The following MMP26 variants were observed in gnomAD, a reference collection of about 807,000 sequenced individuals.
MMP26 encodes matrix metallopeptidase 26.
A neutral mutation model predicts 31.0 loss-of-function variants in MMP26; 33 were observed. The observed-to-expected ratio is 1.06, with a 90% confidence interval of 0.81 to 1.42. The LOEUF is 1.42. MMP26 is among the 40% of genes most tolerant of loss of function. MMP26 has a pLI of 0.00. For synonymous variants in MMP26, 122 were observed against 114.9 expected, an observed-to-expected ratio of 1.06 and a Z score of -0.40; for missense variants, 347 against 316.1, an observed-to-expected ratio of 1.10 and a Z score of -0.74.
chr11:4,816,728 G>C (rs34595287), intron 2 of MMP26, among the ~76,000 whole-genome samples: 4 of 106,836 alleles, frequency 3.7e-5, no homozygotes, highest in Non-Finnish European at 6.9e-5. Flanking sequence ...TTTTGAAATA[G>C]AGTCTCGCTC....
chr11:4,854,196 G>T (rs1850015626), intron 2 of MMP26, among the ~76,000 whole-genome samples: 2 of 152,166 alleles, frequency 1.3e-5, no homozygotes, highest in South Asian at 4.1e-4. Context: ...GAGGCACCAG[G>T]TTCATCTCAC....
At chr11:4,740,162 A>G (rs1381890224) in intron 1 of MMP26, among the ~76,000 whole-genome samples, 2 of 148,848 alleles carry the variant, frequency 1.3e-5, no homozygotes, top group Admixed American at 6.6e-5. Context: ...AAATTAATAT[A>G]AAAAATAAAA....
In MMP26 at chr11:4,988,098, A is replaced by G; in HGVS notation, c.-114A>G. 1.1e-6 allele frequency: 1 copy of G among 943,258 alleles called. No individual in the cohort carries two copies. The highest frequency in any genetic ancestry group is 1.6e-5 in the African/African-American group (1 of 62,296). 58.4% of individuals were successfully genotyped at this position (943,258 alleles called of 1,614,324 possible). On this transcript the variant is annotated 5_prime_UTR_variant, in exon 3 of 8. Coordinates refer to ENST00000380390, the MANE Select transcript of MMP26 (RefSeq NM_021801.5). ...GATGATGACGCCACTCACAGATTCA[A>G]AGAAAGGGCAAACTGGCAGAGTGAG...
intron 2 of MMP26, among the ~76,000 whole-genome samples, chr11:4,796,983 C>G (rs1286125803): frequency 6.6e-6 from 1 of 151,886 alleles, no homozygotes; most frequent in Non-Finnish European, 1.5e-5. Flanking sequence ...CCCAGAGAAC[C>G]AATACAGTGA....
chr11:4,985,026 G>T (rs1413257758), intron 2 of MMP26, among the ~76,000 whole-genome samples: 1 of 151,886 alleles, frequency 6.6e-6, no homozygotes, highest in Non-Finnish European at 1.5e-5. Flanking sequence ...TTTTCACCTT[G>T]TTTCTTTCAT....
In MMP26 at chr11:4,989,798, G is replaced by T. The variant is rs751414642; in HGVS notation, c.250G>T (p.Val84Leu). Residue 84 changes from valine to leucine, a missense_variant, in exon 4 of 8, where the codon GTG becomes TTG. Val to Leu is a conservative substitution (Grantham distance 32). Transcript: ENST00000380390. ...TCTGCTACACCAGCCCCACTGTGGGGTGCCTGATGGGTCCGACACCTCCAT... is the reference window on the plus strand; with the variant it reads ...TCTGCTACACCAGCCCCACTGTGGGTTGCCTGATGGGTCCGACACCTCCAT... ...HALLHQPHCG[V>L]PDGSDTSISP... The T allele has an allele frequency of 2.5e-6, 4 of 1,613,708 alleles. No homozygotes were observed.
chr11:4,944,817 T>C (rs1044536734), intron 2 of MMP26: 1 of 152,150 alleles, frequency 6.6e-6, no homozygotes, highest in African/African-American at 2.4e-5. Flanking sequence ...GCATCAATGA[T>C]ATGCCTATAT....
At chr11:4,969,833 GT>G (rs1846641605) in intron 2 of MMP26, among the ~76,000 whole-genome samples, 1 of 152,030 alleles carries the variant, frequency 6.6e-6, no homozygotes, top group South Asian at 2.1e-4. Context: ...TTAAGCAAAC[GT>G]TATTAAACTA....
rs185328090 is a variant in MMP26, at chr11:4,718,000, C to T, written c.-217+12955C>T. On this transcript the variant is annotated intron_variant, in intron 1 of 7. Transcript: ENST00000380390. The stretch of plus-strand genomic sequence containing the variant: ...TATATGTTTTTATATCTAACTCACA[C>T]TCGCTATGTGGTATGAAAATTTCTT... 2.4e-4 allele frequency among the ~76,000 whole-genome samples: 37 copies of T among 152,272 alleles called. 2 individuals are homozygous for T. Among genetic ancestry groups the T allele is most frequent in the African/African-American group, 7.9e-4 (33 of 41,544 alleles).
intron 2 of MMP26, among the ~76,000 whole-genome samples, chr11:4,805,481 C>T (rs1849254835): frequency 6.6e-6 from 1 of 152,074 alleles, no homozygotes; most frequent in South Asian, 2.1e-4. Flanking sequence ...TTCCAATAAA[C>T]CTTTGTTTAC....
intron 2 of MMP26, among the ~76,000 whole-genome samples, chr11:4,799,123 G>T (rs1433902): frequency 0.12 from 18,754 of 152,144 alleles, 2,266 homozygotes; most frequent in African/African-American, 0.31. Context: ...TCACTTGATA[G>T]CTTCTGTAAA....
At chr11:4,966,204 A>G (rs897316210) in intron 2 of MMP26, among the ~76,000 whole-genome samples, 4 of 152,212 alleles carry the variant, frequency 2.6e-5, no homozygotes, top group Non-Finnish European at 5.9e-5. Context: ...TAGGGAAAAG[A>G]GATTAGACTC....
At chr11:4,963,214 A>C (rs1176798898) in intron 2 of MMP26, among the ~76,000 whole-genome samples, 1 of 152,208 alleles carries the variant, frequency 6.6e-6, no homozygotes, top group Non-Finnish European at 1.5e-5. Context: ...ACTACAAACC[A>C]CTGGTCAAGG....
intron 2 of MMP26, among the ~76,000 whole-genome samples, chr11:4,772,669 G>C (rs1848742079): frequency 6.6e-6 from 1 of 152,200 alleles, no homozygotes; most frequent in South Asian, 2.1e-4. Flanking sequence ...TGATTATTGA[G>C]AGAGTTTTTT....
intron 1 of MMP26, among the ~76,000 whole-genome samples, chr11:4,729,869 C>T (rs910440898): frequency 1.3e-5 from 2 of 151,882 alleles, no homozygotes; most frequent in Non-Finnish European, 2.9e-5. Flanking sequence ...TTTTTGTGGT[C>T]TGATGACCTA....
chr11:4,791,528 A>G (rs112362406), intron 2 of MMP26, among the ~76,000 whole-genome samples: 7 of 152,210 alleles, frequency 4.6e-5, no homozygotes, highest in African/African-American at 1.4e-4. Flanking sequence ...ATTTCTCTGT[A>G]TTTTAGATCA....
chr11:4,766,822 A>C (rs1226246942), intron 1 of MMP26, among the ~76,000 whole-genome samples: 1 of 150,610 alleles, frequency 6.6e-6, no homozygotes, highest in Non-Finnish European at 1.5e-5. Context: ...AGTGACTCTG[A>C]CAATTTAAAA....
chr11:4,885,221 G>A (rs1850531710), intron 2 of MMP26, among the ~76,000 whole-genome samples: 1 of 151,956 alleles, frequency 6.6e-6, no homozygotes, highest in Admixed American at 6.6e-5. Context: ...CTGATTATGA[G>A]TGTCATATAT....
Position 4,749,765 on chromosome 11 carries a change from A to G in MMP26, c.-216-17505A>G, listed in dbSNP as rs184669005. Reference sequence around the variant, plus strand: ...AATCTGGACACCTATCTCTCACCATATACAAAATTTAACTCAAGATGGAAT... The same window carrying G: ...AATCTGGACACCTATCTCTCACCATGTACAAAATTTAACTCAAGATGGAAT... On this transcript the variant is annotated intron_variant, in intron 1 of 7. Transcript: ENST00000380390. Among the ~76,000 whole-genome samples the G allele has an allele frequency of 1.3e-3, 200 of 152,266 alleles. 1 individual carries two copies. Among genetic ancestry groups the G allele is most frequent in the African/African-American group, 4.7e-3 (196 of 41,580 alleles).
Sources: gnomAD v4.1 joint callset for allele counts (sites outside exome capture counted in the v4.1 genomes callset) on GRCh38, gnomAD v4.1.1 for gene constraint, MANE v1.5 for transcripts, NCBI Gene and HGNC (gene_info 2026-07-23, HGNC 2026-07-21) for gene names.